Variants in MSRA observed in about 807,000 individuals in gnomAD.
The protein encoded by MSRA is mitochondrial peptide methionine sulfoxide reductase.
A neutral mutation model predicts 31.3 loss-of-function variants in MSRA; 54 were observed. The observed-to-expected ratio is 1.73, with a 90% CI of 1.39 to 2.17. The LOEUF is 2.17. Ranked by LOEUF, MSRA falls within the 30% of genes most tolerant of loss-of-function variation. The pLI is 0.00. For synonymous variants in MSRA, 169 were observed against 116.5 expected (o/e 1.45, Z -2.90); for missense variants, 507 against 300.9 (o/e 1.69, Z -5.07).
chr8:10,287,202 A>G (rs1471479353), intron 3 of MSRA, among the ~76,000 whole-genome samples: 1 of 152,192 alleles, frequency 6.6e-6, no homozygotes, highest in African/African-American at 2.4e-5. Context: ...TGGTAGCAAT[A>G]ATTTAGTAGT....
At chr8:10,126,350 A>G (rs989266153) in intron 1 of MSRA, among the ~76,000 whole-genome samples, 1 of 152,134 alleles carries the variant, frequency 6.6e-6, no homozygotes, top group African/African-American at 2.4e-5. Context: ...AGGAAGTAAA[A>G]ATCACTCCAA....
intron 1 of MSRA, among the ~76,000 whole-genome samples, chr8:10,167,085 C>G (rs1213053820): frequency 6.6e-6 from 1 of 152,172 alleles, no homozygotes; most frequent in East Asian, 1.9e-4. Context: ...TCATTCTCCC[C>G]TCTTCTTCTT....
At chr8:10,351,897 C>G (rs1563382967) in intron 5 of MSRA, among the ~76,000 whole-genome samples, 1 of 152,244 alleles carries the variant, frequency 6.6e-6, no homozygotes, top group Non-Finnish European at 1.5e-5. Flanking sequence ...AGGTGCTTCT[C>G]TGGACCCTGG....
At chr8:10,125,738 T>C (rs1296408521) in intron 1 of MSRA, among the ~76,000 whole-genome samples, 2 of 152,216 alleles carry the variant, frequency 1.3e-5, no homozygotes, top group African/African-American at 2.4e-5. Flanking sequence ...AAAATGGAAT[T>C]GGTCCACAAA....
chr8:10,383,318 G>C (rs1403895577), intron 5 of MSRA, among the ~76,000 whole-genome samples: 1 of 152,214 alleles, frequency 6.6e-6, no homozygotes, highest in African/African-American at 2.4e-5. Flanking sequence ...TGGGGTGCAT[G>C]GGGTCCTGCA....
At chr8:10,376,681 G>C (rs1357144083) in intron 5 of MSRA, among the ~76,000 whole-genome samples, 1 of 152,170 alleles carries the variant, frequency 6.6e-6, no homozygotes, top group African/African-American at 2.4e-5. Context: ...CTTTTTTGGA[G>C]TTTTTGAACC....
intron 5 of MSRA, chr8:10,353,516 G>T (rs1442455938): frequency 6.9e-6 from 3 of 436,670 alleles, no homozygotes; most frequent in African/African-American, 6.1e-5. Context: ...TGTGTTAGCA[G>T]TTGGTCCCCT....
chr8:10,369,882 G>A (rs1217870745), intron 5 of MSRA, among the ~76,000 whole-genome samples: 1 of 152,152 alleles, frequency 6.6e-6, no homozygotes, highest in Non-Finnish European at 1.5e-5. Context: ...GCAGATAAAA[G>A]AGGAACAATC....
At chr8:10,225,068 C>G (rs1316785972) in intron 2 of MSRA, among the ~76,000 whole-genome samples, 1 of 152,192 alleles carries the variant, frequency 6.6e-6, no homozygotes, top group African/African-American at 2.4e-5. Flanking sequence ...AACCCAGAGG[C>G]AGAGGTTGCA....
intron 2 of MSRA, among the ~76,000 whole-genome samples, chr8:10,243,091 G>A (rs1797422116): frequency 6.6e-6 from 1 of 152,156 alleles, no homozygotes; most frequent in African/African-American, 2.4e-5. Flanking sequence ...TGGGGCTATT[G>A]GAGTGGGACC....
At chr8:10,396,253 C>T (rs945184984) in intron 5 of MSRA, among the ~76,000 whole-genome samples, 5 of 152,230 alleles carry the variant, frequency 3.3e-5, no homozygotes, top group African/African-American at 1.2e-4. Flanking sequence ...TGCTGCCGTT[C>T]TCAGGTGCAC....
At chr8:10,122,146 G>C (rs936180834) in intron 1 of MSRA, among the ~76,000 whole-genome samples, 3 of 152,094 alleles carry the variant, frequency 2.0e-5, no homozygotes, top group Non-Finnish European at 2.9e-5. Flanking sequence ...GCATGCTGCT[G>C]GTGTTGTTGT....
At chr8:10,312,503 C>T (rs994626748) in intron 4 of MSRA, among the ~76,000 whole-genome samples, 3 of 152,188 alleles carry the variant, frequency 2.0e-5, no homozygotes, top group African/African-American at 4.8e-5. Flanking sequence ...GAAATAATTG[C>T]AGTTTTTCAT....
chr8:10,213,028 A>T (rs951040604), intron 2 of MSRA, among the ~76,000 whole-genome samples: 17 of 152,166 alleles, frequency 1.1e-4, no homozygotes, highest in African/African-American at 3.6e-4. Context: ...TTTATCCTTT[A>T]TGTTACAAAC....
At chr8:10,383,985 C>T (rs893861786) in intron 5 of MSRA, among the ~76,000 whole-genome samples, 5 of 152,174 alleles carry the variant, frequency 3.3e-5, no homozygotes, top group Admixed American at 2.6e-4. Context: ...CAGCCACATT[C>T]ACGTTCTGAT....
intron 1 of MSRA, among the ~76,000 whole-genome samples, chr8:10,115,589 A>T (rs948956885): frequency 1.3e-5 from 2 of 152,210 alleles, no homozygotes; most frequent in Non-Finnish European, 2.9e-5. Flanking sequence ...AGTGACTCTC[A>T]GACAGGATTT....
chr8:10,276,173 G>A (rs567574228), intron 3 of MSRA, among the ~76,000 whole-genome samples: 2 of 152,222 alleles, frequency 1.3e-5, no homozygotes, highest in Admixed American at 6.5e-5. Flanking sequence ...TTATAGACAA[G>A]TTACCTTTCT....
chr8:10,189,598 AT>A lies in MSRA; in HGVS notation c.143-18227del, dbSNP rs546672118. On this transcript the variant is annotated intron_variant, in intron 1 of 5. Transcript: ENST00000317173. ...TTGTAGCATTTATTGAGTTGATCAG[AT>A]TTTTTTTCTTTTTTAGCCAGTTAAT... is the stretch of plus-strand genomic sequence containing the variant. Among the ~76,000 whole-genome samples the A allele has an allele frequency of 2.0e-5, 3 of 152,058 alleles. No individual in the cohort carries two copies. The South Asian group carries it at 6.2e-4, about 32-fold the overall frequency.
chr8:10,183,805 GTGGTGCTGC>G (rs1231356123), intron 1 of MSRA, among the ~76,000 whole-genome samples: 5 of 148,832 alleles, frequency 3.4e-5, no homozygotes, highest in Non-Finnish European at 3.0e-5. Flanking sequence ...GGTGGTGGTG[GTGGTGCTGC>G]TGCTGCTGCT....
Sources: gnomAD v4.1 joint callset for allele counts (sites outside exome capture counted in the v4.1 genomes callset) on GRCh38, gnomAD v4.1.1 for gene constraint, MANE v1.5 for transcripts, NCBI Gene and HGNC (gene_info 2026-07-23, HGNC 2026-07-21) for gene names.